The following LRMDA variants were observed in gnomAD, a reference collection of about 807,000 sequenced individuals.
The protein encoded by LRMDA is leucine rich melanocyte differentiation associated.
LRMDA carries 18 observed loss-of-function variants against 29.8 expected under a neutral mutation model. That is an observed-to-expected ratio of 0.60 (90% CI 0.42 to 0.90). The LOEUF (loss-of-function observed/expected upper bound fraction) is 0.90. Among genes scored for constraint, LRMDA ranks in the 40% least tolerant of loss-of-function variants. The probability of loss-of-function intolerance (pLI) is 0.00; values close to 1 mark genes in which losing one functional copy is unlikely to be tolerated. For missense variants in LRMDA, 273 were observed against 273.9 expected, an observed-to-expected ratio of 1.00 and a Z score of 0.02; for synonymous variants, 125 against 109.4, an observed-to-expected ratio of 1.14 and a Z score of -0.89.
intron 6 of LRMDA, among the ~76,000 whole-genome samples, chr10:76,428,553 C>T (rs1258729913): frequency 6.6e-6 from 1 of 152,184 alleles, no homozygotes; most frequent in African/African-American, 2.4e-5. Context: ...CCAGAAAACA[C>T]AGAGACTTGG....
intron 2 of LRMDA, among the ~76,000 whole-genome samples, chr10:75,752,936 AC>A (rs1208913007): frequency 6.6e-6 from 1 of 152,140 alleles, no homozygotes; most frequent in Non-Finnish European, 1.5e-5. Flanking sequence ...GTGTCCACCT[AC>A]TTTTATGATT....
intron 6 of LRMDA, among the ~76,000 whole-genome samples, chr10:76,464,656 G>T (rs1842546577): frequency 6.6e-6 from 1 of 152,172 alleles, no homozygotes; most frequent in African/African-American, 2.4e-5. Context: ...AGAAGAATGG[G>T]GTAACCTCAA....
At chr10:75,865,108 G>A (rs1406903560) in intron 2 of LRMDA, among the ~76,000 whole-genome samples, 1 of 151,980 alleles carries the variant, frequency 6.6e-6, no homozygotes, top group Non-Finnish European at 1.5e-5. Context: ...GAAAAATTTT[G>A]CATAGCTAAG....
chr10:76,013,722 A>T (rs1299165964), intron 2 of LRMDA, among the ~76,000 whole-genome samples: 1 of 152,054 alleles, frequency 6.6e-6, no homozygotes, highest in Non-Finnish European at 1.5e-5. Flanking sequence ...CACACCACCC[A>T]TCTTAGAAGG....
intron 2 of LRMDA, among the ~76,000 whole-genome samples, chr10:75,816,095 C>T (rs1017934833): frequency 9.9e-5 from 15 of 152,186 alleles, no homozygotes; most frequent in African/African-American, 3.4e-4. Context: ...GAGGAGGTAC[C>T]GGTCAGTGTC....
At chr10:76,478,177 T>A (rs2132323783) in intron 6 of LRMDA, among the ~76,000 whole-genome samples, 1 of 152,124 alleles carries the variant, frequency 6.6e-6, no homozygotes, top group South Asian at 2.1e-4. Context: ...ATATCCAGAA[T>A]CTACAATGAA....
At chr10:75,646,827 G>T in intron 2 of LRMDA, among the ~76,000 whole-genome samples, 1 of 152,092 alleles carries the variant, frequency 6.6e-6, no homozygotes, top group East Asian at 1.9e-4. Flanking sequence ...ATATTGGAAG[G>T]TACTAACGAA....
chr10:75,459,803 C>T (rs190145326), intron 2 of LRMDA, among the ~76,000 whole-genome samples: 58 of 152,240 alleles, frequency 3.8e-4, no homozygotes, highest in Admixed American at 1.3e-3. Context: ...GCTACATCAT[C>T]GCATGGTGGA....
intron 2 of LRMDA, among the ~76,000 whole-genome samples, chr10:75,618,372 CTCTCTCTCTCTATATATA>C (rs1165632787): frequency 1.0e-5 from 1 of 96,130 alleles, no homozygotes; most frequent in East Asian, 4.0e-4. Flanking sequence ...CTCTCTCTCT[CTCTCTCTCTCTATATATA>C]TATATATATA....
chr10:76,245,041 A>G (rs541780923), intron 5 of LRMDA, among the ~76,000 whole-genome samples: 22 of 152,262 alleles, frequency 1.4e-4, no homozygotes, highest in African/African-American at 4.3e-4. Context: ...CTAGCATTCA[A>G]TGGTTCCATG....
intron 2 of LRMDA, among the ~76,000 whole-genome samples, chr10:75,467,699 A>G (rs1431321375): frequency 6.6e-6 from 1 of 152,140 alleles, no homozygotes; most frequent in East Asian, 1.9e-4. Context: ...ACAGTGGCTC[A>G]TGCCTGTAAT....
intron 5 of LRMDA, among the ~76,000 whole-genome samples, chr10:76,313,567 G>C (rs895788379): frequency 6.6e-6 from 1 of 152,084 alleles, no homozygotes; most frequent in African/African-American, 2.4e-5. Flanking sequence ...TCCATTCCTA[G>C]ACTATAAAAT....
chr10:76,496,946 A>G (rs1421960903), intron 6 of LRMDA, among the ~76,000 whole-genome samples: 1 of 75,036 alleles, frequency 1.3e-5, no homozygotes, highest in Non-Finnish European at 4.4e-5. Flanking sequence ...TGGTCTAAGG[A>G]AAGATTCCCT....
intron 2 of LRMDA, among the ~76,000 whole-genome samples, chr10:75,557,343 G>C (rs1009511455): frequency 6.6e-6 from 1 of 150,650 alleles, no homozygotes; most frequent in African/African-American, 2.4e-5. Context: ...TAAAATGGTA[G>C]ACTTGACTCA....
intron 2 of LRMDA, among the ~76,000 whole-genome samples, chr10:75,797,559 C>G (rs1387362766): frequency 6.6e-6 from 1 of 152,168 alleles, no homozygotes; most frequent in Non-Finnish European, 1.5e-5. Context: ...TCTATTCCTA[C>G]CCCCAACTCT....
rs928244590 is a variant in LRMDA at position 76,316,692 on chromosome 10, T to C, written c.517-7709T>C. 2.6e-5 allele frequency among the ~76,000 whole-genome samples: 4 copies of C among 152,370 alleles called. 1 individual carries two copies. The highest frequency in any genetic ancestry group is 2.6e-4 in the Admixed American group (4 of 15,306). ...CATATAATTAATGCCAGAAATGTGATGTACACACACCCACATTACTTGGAG... is the reference window on the plus strand; with the variant it reads ...CATATAATTAATGCCAGAAATGTGACGTACACACACCCACATTACTTGGAG... On this transcript the variant is annotated intron_variant, in intron 5 of 6. Coordinates refer to ENST00000611255, the MANE Select transcript of LRMDA (RefSeq NM_001305581.2).
At chr10:75,806,721 C>T (rs1391788280) in intron 2 of LRMDA, among the ~76,000 whole-genome samples, 3 of 150,628 alleles carry the variant, frequency 2.0e-5, no homozygotes, top group Non-Finnish European at 4.4e-5. Flanking sequence ...ACCTCAATCA[C>T]CTGTGATTAC....
At position 75,914,492 on chromosome 10, in the gene LRMDA, C is replaced by T. The variant is rs550680880; in HGVS notation, c.132-121516C>T. Among the ~76,000 whole-genome samples, 3 of 152,296 alleles carry T rather than the reference C, an allele frequency of 2.0e-5. No homozygotes were observed. In the East Asian group the frequency reaches 5.8e-4, roughly 29 times the overall value. On this transcript the variant is annotated intron_variant, in intron 2 of 6. Transcript: ENST00000611255. ...TTTGTGAGCAGGGACATATTTTGAG[C>T]CTCTTTTTTTCCAGTTCTTTCTCCA...
rs1845698948 is a variant in LRMDA, at chr10:75,902,869, G to T, written c.132-133139G>T. ...GGTTCCCCCGACAACCCCCCGTGCT[G>T]CTCCTTTAGGGCTCCCCAGGGGCCC... On this transcript the variant is annotated intron_variant, in intron 2 of 6. Coordinates refer to ENST00000611255, the MANE Select transcript of LRMDA (RefSeq NM_001305581.2). Among the ~76,000 whole-genome samples the T allele has an allele frequency of 2.0e-5, 3 of 152,278 alleles. 1 individual carries two copies. The South Asian group carries it at 6.2e-4, about 32-fold the overall frequency.
Sources: gnomAD v4.1 joint callset for allele counts (sites outside exome capture counted in the v4.1 genomes callset) on GRCh38, gnomAD v4.1.1 for gene constraint, MANE v1.5 for transcripts, NCBI Gene and HGNC (gene_info 2026-07-23, HGNC 2026-07-21) for gene names.